The following DGLUCY variants were observed in gnomAD, a reference collection of about 807,000 sequenced individuals.
DGLUCY encodes D-glutamate cyclase, mitochondrial.
Under a neutral mutation model 58.5 loss-of-function variants are expected in DGLUCY, and 58 were observed. That is an observed-to-expected ratio of 0.99 (90% CI 0.80 to 1.23). DGLUCY has a LOEUF of 1.23. Ranked by LOEUF, DGLUCY falls within the 50% of genes most tolerant of loss-of-function variation. The pLI, the probability that DGLUCY is intolerant of heterozygous loss-of-function variation, is 0.00. For missense variants in DGLUCY, 779 were observed against 784.7 expected, an observed-to-expected ratio of 0.99 and a Z score of 0.09; for synonymous variants, 325 against 314.1, an observed-to-expected ratio of 1.03 and a Z score of -0.37.
chr14:91,091,569 CTG>C, intron 1 of DGLUCY, among the ~76,000 whole-genome samples: 1 of 152,166 alleles, frequency 6.6e-6, no homozygotes, highest in East Asian at 1.9e-4. Flanking sequence ...GTCCATTTGT[CTG>C]TTCTCAGAGG....
At chr14:91,068,079 G>GCGCACACACA (rs375738080) in intron 1 of DGLUCY, among the ~76,000 whole-genome samples, 6,828 of 146,342 alleles carry the variant, frequency 0.047, 275 homozygotes, top group Admixed American at 0.14. Flanking sequence ...ACACGCGCAC[G>GCGCACACACA]CACACACACA....
At chr14:91,088,346 T>C (rs911858737) in intron 1 of DGLUCY, among the ~76,000 whole-genome samples, 2 of 152,130 alleles carry the variant, frequency 1.3e-5, no homozygotes, top group African/African-American at 4.8e-5. Flanking sequence ...GATTCGGAGC[T>C]TCCACCCCAC....
intron 3 of DGLUCY, among the ~76,000 whole-genome samples, chr14:91,164,053 G>A (rs1036339613): frequency 2.6e-5 from 4 of 152,078 alleles, no homozygotes; most frequent in Non-Finnish European, 5.9e-5. Flanking sequence ...AGGTTCAAGC[G>A]ATTCTCCTGT....
intron 1 of DGLUCY, among the ~76,000 whole-genome samples, chr14:91,136,408 C>T (rs540906886): frequency 1.4e-3 from 211 of 152,200 alleles, no homozygotes; most frequent in African/African-American, 4.6e-3. Flanking sequence ...CCAGGCCAGG[C>T]GCTATGGCTC....
intron 1 of DGLUCY, among the ~76,000 whole-genome samples, chr14:91,076,272 G>A (rs118183186): frequency 1.1e-3 from 166 of 152,170 alleles, no homozygotes; most frequent in Non-Finnish European, 1.7e-3. Context: ...ACTCAAGTTC[G>A]TAGCATCTGT....
chr14:91,191,769 G>A (rs778558871), intron 9 of DGLUCY, among the ~76,000 whole-genome samples: 3 of 152,190 alleles, frequency 2.0e-5, no homozygotes, highest in Non-Finnish European at 4.4e-5. Context: ...GATGGATTGG[G>A]TGTGGGTGTG....
chr14:91,194,463 C>G (rs893498157), intron 9 of DGLUCY, among the ~76,000 whole-genome samples: 7 of 151,862 alleles, frequency 4.6e-5, no homozygotes, highest in Non-Finnish European at 1.0e-4. Flanking sequence ...ATCACGATGA[C>G]TAACAGCTAC....
chr14:91,119,866 TC>T (rs1435311148), intron 1 of DGLUCY, among the ~76,000 whole-genome samples: 1 of 152,136 alleles, frequency 6.6e-6, no homozygotes, highest in African/African-American at 2.4e-5. Context: ...TTCATCTTTC[TC>T]CCGTGCTGGA....
chr14:91,141,020 A>G (rs1018656644), intron 1 of DGLUCY, among the ~76,000 whole-genome samples: 6 of 152,188 alleles, frequency 3.9e-5, no homozygotes, highest in African/African-American at 1.2e-4. Flanking sequence ...AAGGCTGGTC[A>G]TGATGGCCGA....
intron 1 of DGLUCY, among the ~76,000 whole-genome samples, chr14:91,126,258 C>T (rs1247086552): frequency 6.6e-6 from 1 of 152,130 alleles, no homozygotes; most frequent in East Asian, 1.9e-4. Context: ...TCTGATGCCT[C>T]TAGGGAATGA....
intron 13 of DGLUCY, among the ~76,000 whole-genome samples, chr14:91,224,208 G>T (rs946020895): frequency 6.6e-6 from 1 of 152,206 alleles, no homozygotes; most frequent in African/African-American, 2.4e-5. Context: ...ACCTGCAGGA[G>T]GAGTGAATCT....
At chr14:91,173,501 C>A in intron 6 of DGLUCY, 62 bp downstream of exon 6, 1 of 1,495,350 alleles carries the variant, frequency 6.7e-7, no homozygotes, top group South Asian at 1.4e-5. Flanking sequence ...AGGTCAGTGT[C>A]TCTCGCTCCT....
chr14:91,160,145 C>G, intron 2 of DGLUCY, 121 bp from the exon 3 acceptor site: 1 of 700,030 alleles, frequency 1.4e-6, no homozygotes, highest in South Asian at 1.6e-5. Flanking sequence ...ACAAGGCAGG[C>G]CCAGGAACAG....
intron 1 of DGLUCY, among the ~76,000 whole-genome samples, chr14:91,080,727 A>G (rs577285279): frequency 1.7e-4 from 25 of 147,360 alleles, no homozygotes; most frequent in Admixed American, 4.1e-4. Flanking sequence ...AACTCATCAT[A>G]TAAGAGAGCT....
At chr14:91,164,674 T>G (rs2048176239) in intron 3 of DGLUCY, among the ~76,000 whole-genome samples, 1 of 152,190 alleles carries the variant, frequency 6.6e-6, no homozygotes, top group African/African-American at 2.4e-5. Flanking sequence ...TCCCTTACTT[T>G]CTCCCAAAGA....
intron 1 of DGLUCY, among the ~76,000 whole-genome samples, chr14:91,133,051 T>C (rs2046117924): frequency 6.6e-6 from 1 of 152,068 alleles, no homozygotes. Context: ...CCCAGCACTT[T>C]GGAAGGCTGA....
intron 1 of DGLUCY, among the ~76,000 whole-genome samples, chr14:91,119,604 C>A (rs2045228257): frequency 6.6e-6 from 1 of 152,208 alleles, no homozygotes; most frequent in Non-Finnish European, 1.5e-5. Context: ...CCACCCACAG[C>A]CCTTCCTGCC....
At chr14:91,109,648 C>A (rs895379025), upstream of DGLUCY, among the ~76,000 whole-genome samples, 2 of 152,174 alleles carry the variant, frequency 1.3e-5, no homozygotes, top group Non-Finnish European at 2.9e-5. Context: ...CACCTTATCA[C>A]TATGTGCTCA....
chr14:91,207,250 G>A (rs1219786637), intron 12 of DGLUCY, among the ~76,000 whole-genome samples: 12 of 150,788 alleles, frequency 8.0e-5, no homozygotes, highest in East Asian at 3.9e-4. Flanking sequence ...TTAGTAGACC[G>A]GACATGGCTA....
Sources: allele counts gnomAD v4.1 joint callset (sites outside exome capture counted in the v4.1 genomes callset), GRCh38; gene constraint gnomAD v4.1.1; transcripts MANE v1.5; gene names NCBI Gene and HGNC (gene_info 2026-07-23, HGNC 2026-07-21).